Variants in RGS6 observed in about 807,000 individuals in gnomAD.
RGS6 encodes regulator of G protein signaling 6.
Under a neutral mutation model 78.5 loss-of-function variants are expected in RGS6, and 30 were observed. That is an observed-to-expected ratio of 0.38 (90% CI 0.29 to 0.52). The LOEUF (loss-of-function observed/expected upper bound fraction) is 0.52, where lower values mean the gene tolerates loss of function less well. Ranked by LOEUF, RGS6 falls within the 20% of genes least tolerant of loss-of-function variation. The pLI, the probability that RGS6 is intolerant of heterozygous loss-of-function variation, is 0.85. For synonymous variants in RGS6, 206 were observed against 206.0 expected, an observed-to-expected ratio of 1.00 and a Z score of 0.00; for missense variants, 495 against 609.7, an observed-to-expected ratio of 0.81 and a Z score of 1.98.
intron 3 of RGS6, among the ~76,000 whole-genome samples, chr14:72,419,675 C>T (rs2094056775): frequency 6.6e-6 from 1 of 152,110 alleles, no homozygotes; most frequent in Non-Finnish European, 1.5e-5. Flanking sequence ...CCCCTGGAGA[C>T]CTGGCTGTTG....
At chr14:71,895,015 A>C in the RGS6 span, among the ~76,000 whole-genome samples, 1 of 151,760 alleles carries the variant, frequency 6.6e-6, no homozygotes, top group Non-Finnish European at 1.5e-5. Flanking sequence ...CTGCCTGCCT[A>C]GGCCTCCCAA....
At chr14:72,349,453 A>G (rs2078705739) in intron 2 of RGS6, among the ~76,000 whole-genome samples, 1 of 152,170 alleles carries the variant, frequency 6.6e-6, no homozygotes, top group African/African-American at 2.4e-5. Flanking sequence ...CGAAAGGGAA[A>G]AGGTAGACAC....
intron 2 of RGS6, among the ~76,000 whole-genome samples, chr14:72,046,565 A>ATCTCCTCTTCTTCCTCCCCTGCTCC (rs1272040396): frequency 1.3e-5 from 2 of 150,318 alleles, no homozygotes; most frequent in African/African-American, 2.4e-5. Context: ...TCCTCTCCCC[A>ATCTCCTCTTCTTCCTCCCCTGCTCC]TCTCCTCTTC....
the RGS6 span, among the ~76,000 whole-genome samples, chr14:71,917,711 C>G: frequency 6.6e-6 from 1 of 152,202 alleles, no homozygotes; most frequent in Non-Finnish European, 1.5e-5. Flanking sequence ...GAACACAGGG[C>G]TGGAACTGGG....
intron 3 of RGS6, among the ~76,000 whole-genome samples, chr14:72,365,794 A>G (rs1252903121): frequency 3.9e-5 from 6 of 152,156 alleles, no homozygotes; most frequent in Non-Finnish European, 7.3e-5. Context: ...AAAATAACCT[A>G]TATTCATCTA....
At chr14:71,944,189 C>G (rs1276806348) in intron 1 of RGS6, among the ~76,000 whole-genome samples, 1 of 152,194 alleles carries the variant, frequency 6.6e-6, no homozygotes, top group Non-Finnish European at 1.5e-5. Flanking sequence ...CTTGCTCAGC[C>G]TACAAAACTA....
chr14:72,163,134 C>T (rs535475349), intron 2 of RGS6, among the ~76,000 whole-genome samples: 1 of 152,216 alleles, frequency 6.6e-6, no homozygotes, highest in South Asian at 2.1e-4. Flanking sequence ...CACGGTCTCA[C>T]AAATCACCAC....
chr14:72,487,945 G>A (rs2190937), intron 12 of RGS6, among the ~76,000 whole-genome samples: 70,641 of 151,904 alleles, frequency 0.47, 16,884 homozygotes, highest in East Asian at 0.8. Context: ...CAGCATCTCC[G>A]AGCACCCCGC....
At chr14:72,306,215 C>T (rs908882696) in intron 2 of RGS6, among the ~76,000 whole-genome samples, 3 of 152,128 alleles carry the variant, frequency 2.0e-5, no homozygotes, top group Non-Finnish European at 4.4e-5. Flanking sequence ...ATTTTAAGAC[C>T]ACTGTTGAGA....
chr14:72,568,148 T>G (rs999020997), downstream of RGS6, among the ~76,000 whole-genome samples: 1 of 152,182 alleles, frequency 6.6e-6, no homozygotes, highest in African/African-American at 2.4e-5. Context: ...TGGCCAGGTC[T>G]GGCTTATTTC....
intron 2 of RGS6, among the ~76,000 whole-genome samples, chr14:72,259,912 A>AAAAAAAAAAAAAAAAAAC (rs1459827522): frequency 1.8e-5 from 1 of 54,426 alleles, no homozygotes; most frequent in African/African-American, 4.6e-5. Flanking sequence ...CTCCGTCTCA[A>AAAAAAAAAAAAAAAAAAC]AAAAAAAAAA....
chr14:72,052,975 TTCTTTCTTTCTCTC>T (rs1248578035), intron 2 of RGS6, among the ~76,000 whole-genome samples: 1,139 of 51,198 alleles, frequency 0.022, 11 homozygotes, highest in East Asian at 0.088. Context: ...CTTTCTTTCT[TTCTTTCTTTCTCTC>T]TCTCTCTCTC....
At chr14:72,087,990 T>C (rs1312709042) in intron 2 of RGS6, among the ~76,000 whole-genome samples, 1 of 152,064 alleles carries the variant, frequency 6.6e-6, no homozygotes, top group East Asian at 1.9e-4. Context: ...ATGGCAGAAA[T>C]AAAGGTCAGA....
chr14:71,960,079 G>C (rs1009777415), intron 1 of RGS6, among the ~76,000 whole-genome samples: 1 of 152,148 alleles, frequency 6.6e-6, no homozygotes, highest in African/African-American at 2.4e-5. Flanking sequence ...TTCCAGAGGG[G>C]CTGGCATTAT....
Position 72,140,116 on chromosome 14 carries a change from T to C in RGS6, c.84+175241T>C, listed in dbSNP as rs150663901. 1.9e-4 allele frequency among the ~76,000 whole-genome samples: 29 copies of C among 152,294 alleles called. No individual in the cohort carries two copies. In the East Asian group the frequency reaches 5.4e-3, roughly 28 times the overall value. On this transcript the variant is annotated intron_variant, in intron 2 of 17. Transcript: ENST00000553525. ...CTCATTTACCAGTGACCAGCTCATCTCCATGCTATGATGCTCCCCAGGAAA... is the reference window on the plus strand; with the variant it reads ...CTCATTTACCAGTGACCAGCTCATCCCCATGCTATGATGCTCCCCAGGAAA...
intron 2 of RGS6, among the ~76,000 whole-genome samples, chr14:72,321,784 T>C (rs965240047): frequency 6.6e-6 from 1 of 151,974 alleles, no homozygotes; most frequent in Non-Finnish European, 1.5e-5. Flanking sequence ...AAAGATGACA[T>C]AGATGGCCTA....
intron 3 of RGS6, among the ~76,000 whole-genome samples, chr14:72,408,182 T>C (rs1000818749): frequency 6.6e-6 from 1 of 152,242 alleles, no homozygotes; most frequent in Non-Finnish European, 1.5e-5. Flanking sequence ...CAAAGCTGTA[T>C]CTTCTGAAGA....
chr14:72,556,232 T>C (rs1599126438), intron 17 of RGS6, among the ~76,000 whole-genome samples: 1 of 152,194 alleles, frequency 6.6e-6, no homozygotes, highest in Non-Finnish European at 1.5e-5. Flanking sequence ...TCCACATGGC[T>C]GGGGAAGCCT....
chr14:71,878,109 G>A, the RGS6 span, among the ~76,000 whole-genome samples: 4 of 152,206 alleles, frequency 2.6e-5, no homozygotes, highest in Admixed American at 2.6e-4. Context: ...GTGCCTCCCA[G>A]TTAGGCTACT....
Sources: allele counts gnomAD v4.1 joint callset (sites outside exome capture counted in the v4.1 genomes callset), GRCh38; gene constraint gnomAD v4.1.1; transcripts MANE v1.5; gene names NCBI Gene and HGNC (gene_info 2026-07-23, HGNC 2026-07-21).